Variants in ZNF862 observed in about 807,000 individuals in gnomAD.
ZNF862 encodes the protein zinc finger protein 862.
Under a neutral mutation model 91.1 loss-of-function variants are expected in ZNF862, and 64 were observed. That is an observed-to-expected ratio of 0.70 (90% CI 0.57 to 0.87). The LOEUF is 0.87. ZNF862 is among the 40% of genes least tolerant of loss of function. The pLI is 0.00. For missense variants in ZNF862, 1,459 were observed against 1,528.0 expected (o/e 0.95, Z 0.75); for synonymous variants, 631 against 618.1 (o/e 1.02, Z -0.31).
In ZNF862 at chr7:149,862,828, T is replaced by A. The variant is rs1309212178; in HGVS notation, c.3334+334T>A. Among the ~76,000 whole-genome samples the A allele has an allele frequency of 2.0e-5, 3 of 152,248 alleles. No homozygotes were observed. In the East Asian group the frequency reaches 5.8e-4, roughly 29 times the overall value. On this transcript the variant is annotated intron_variant, in intron 7 of 7. Coordinates refer to ENST00000223210, the MANE Select transcript of ZNF862 (RefSeq NM_001099220.3). ...ATGCCTTGGTTTCTCATCTGCCGAA[T>A]GAGTTGTGTGTGGAAAACACTCAGG...
intron 5 of ZNF862, among the ~76,000 whole-genome samples, chr7:149,854,915 T>C (rs556637324): frequency 6.6e-5 from 10 of 152,320 alleles, no homozygotes; most frequent in East Asian, 1.9e-4. Flanking sequence ...CTGGCTAATC[T>C]CCCTTTGCTG....
At position 149,865,525 on chromosome 7, in the gene ZNF862, C is replaced by T. The variant is rs905034727; in HGVS notation, c.*1241C>T. The T allele has an allele frequency of 4.4e-5, 4 of 91,110 alleles. No individual in the cohort carries two copies. Among genetic ancestry groups the T allele is most frequent in the African/African-American group, 2.1e-4 (4 of 19,230 alleles). 5.6% of individuals were successfully genotyped at this position (91,110 alleles called of 1,614,324 possible). On this transcript the variant is annotated 3_prime_UTR_variant, in exon 8 of 8. Coordinates refer to ENST00000223210, the MANE Select transcript of ZNF862 (RefSeq NM_001099220.3). ...GGGGCTTCTGGCACTGCTAGGTTCACACCCTCCTCGCCCCGATCTTCCTTC... is the reference window on the plus strand; with the variant it reads ...GGGGCTTCTGGCACTGCTAGGTTCATACCCTCCTCGCCCCGATCTTCCTTC...
chr7:149,865,658 C>CAAA lies in ZNF862; in HGVS notation c.*1374_*1375insAAA, dbSNP rs1400710968. On this transcript the variant is annotated 3_prime_UTR_variant, in exon 8 of 8. Coordinates refer to ENST00000223210, the MANE Select transcript of ZNF862 (RefSeq NM_001099220.3). Reference sequence around the variant, plus strand: ...TTTGTCTAGGTTCTGCCTTCCTTAACCATGGGCAGGAAATGAGGCAAGTCA... The same window carrying CAAA: ...TTTGTCTAGGTTCTGCCTTCCTTAACAAACATGGGCAGGAAATGAGGCAAGTCA... 6.6e-6 allele frequency: 1 copy of CAAA among 152,238 alleles called. No homozygotes were observed. The highest frequency in any genetic ancestry group is 6.5e-5 in the Admixed American group (1 of 15,286). 9.4% of individuals were successfully genotyped at this position (152,238 alleles called of 1,614,324 possible). A position where few individuals can be genotyped will look rare whatever the true frequency, so the allele number is the denominator to read the frequency against.
intron 1 of ZNF862, among the ~76,000 whole-genome samples, chr7:149,844,021 A>AG (rs1318092445): frequency 3.3e-5 from 5 of 151,346 alleles, no homozygotes; most frequent in Non-Finnish European, 5.9e-5. Flanking sequence ...TGTTTTGGGG[A>AG]GGGGGTCTTT....
At position 149,848,287 on chromosome 7, in the gene ZNF862, T is replaced by C. The variant is rs189754304; in HGVS notation, c.794T>C (p.Leu265Pro). 1.0e-3 allele frequency: 1,655 copies of C among 1,610,468 alleles called. 2 individuals are homozygous for C. Among genetic ancestry groups the C allele is most frequent in the Non-Finnish European group, 1.3e-3 (1,523 of 1,178,280 alleles). ...CTCCTGCCAAGTTCAAGAGCTGAAC[T>C]AGAGGACCCTGGGGGGGATGGAGCA... ...AELLPSSRAELEDPGGDGAIP... is the reference protein window; with the variant it reads ...AELLPSSRAEPEDPGGDGAIP... The change falls in exon 4 of 8, where the codon CTA becomes CCA. Residue 265 changes from leucine (L) to proline (P), a missense_variant. Physicochemically the swap from Leu to Pro is moderately conservative, Grantham distance 98. Transcript: ENST00000223210.
chr7:149,840,658 A>G (rs1801673057), intron 1 of ZNF862, among the ~76,000 whole-genome samples: 1 of 149,562 alleles, frequency 6.7e-6, no homozygotes, highest in Admixed American at 6.7e-5. Context: ...CTTTTCTACC[A>G]TATTCTTACT....
chr7:149,841,643 C>G (rs1392719485), intron 1 of ZNF862: 9 of 985,238 alleles, frequency 9.1e-6, no homozygotes, highest in Non-Finnish European at 9.6e-6. Flanking sequence ...AGCCCGCCAC[C>G]TCATGTGCCT....
rs1434035166 is a variant in ZNF862, at chr7:149,865,879, C to T, written c.*1595C>T. 1 of 148,856 alleles carries T rather than the reference C, an allele frequency of 6.7e-6. No individual in the cohort carries two copies. The highest frequency in any genetic ancestry group is 1.5e-5 in the Non-Finnish European group (1 of 66,996). The allele number at this position is 148,856 out of a possible 1,614,324, so 9.2% of individuals were successfully genotyped here. ...ATGCTGGCATCTGAGCACCTGAGTA[C>T]CCTTCCTATTCCCAGGGTAGAAGCT... On this transcript the variant is annotated 3_prime_UTR_variant, in exon 8 of 8. Coordinates refer to ENST00000223210, the MANE Select transcript of ZNF862 (RefSeq NM_001099220.3).
chr7:149,842,720 T>C (rs1801749615), intron 1 of ZNF862, among the ~76,000 whole-genome samples: 1 of 152,188 alleles, frequency 6.6e-6, no homozygotes, highest in African/African-American at 2.4e-5. Context: ...ACAAGTGTTT[T>C]AACCTGCCCC....
At chr7:149,857,859 A>G (rs145080648) in intron 5 of ZNF862, among the ~76,000 whole-genome samples, 3 of 152,244 alleles carry the variant, frequency 2.0e-5, no homozygotes, top group African/African-American at 7.2e-5. Context: ...ACATTCTTGG[A>G]GTCGAGCAGT....
chr7:149,864,275 G>T lies in ZNF862; in HGVS notation c.3501G>T (p.Gly1167=), dbSNP rs771747918. The change falls in exon 8 of 8, where the codon GGG becomes GGT. Residue 1167 remains glycine, a synonymous_variant. Coordinates refer to ENST00000223210, the MANE Select transcript of ZNF862 (RefSeq NM_001099220.3). ...CCCACACCAGCCAGGAGGCCCCCGG[G>T]ATGTCCTGAGGGACAGGGAGTCCTT... The part of the protein sequence containing the change: ...LYPHTSQEAP[G]MS 9 of 1,598,160 alleles carry T rather than the reference G, an allele frequency of 5.6e-6. No homozygotes were observed. Among genetic ancestry groups the T allele is most frequent in the Non-Finnish European group, 7.7e-6 (9 of 1,173,374 alleles).
chr7:149,838,574 G>GGGGGGA lies in ZNF862; in HGVS notation c.-32_-27dup. The GGGGGGA allele has an allele frequency of 8.3e-7, 1 of 1,206,934 alleles. No individual in the cohort carries two copies. The highest frequency in any genetic ancestry group is 1.0e-6 in the Non-Finnish European group (1 of 964,656). The allele number at this position is 1,206,934 out of a possible 1,614,324, so 74.8% of individuals were successfully genotyped here. A position where few individuals can be genotyped will look rare whatever the true frequency, so the allele number is the denominator to read the frequency against. On this transcript the variant is annotated 5_prime_UTR_variant, in exon 1 of 8. Coordinates refer to ENST00000223210, the MANE Select transcript of ZNF862 (RefSeq NM_001099220.3). The stretch of plus-strand genomic sequence containing the variant: ...CGGCTGCATCCTCAGGCCAGGCCGC[G>GGGGGGA]GGGGGAGGGGGCGGCACGGGCCTCC...
intron 1 of ZNF862, chr7:149,841,756 A>C (rs758960411): frequency 3.0e-6 from 3 of 985,072 alleles, no homozygotes; most frequent in Non-Finnish European, 2.4e-6. Context: ...GGCCCTCTCT[A>C]TCTTTCCTGT....
Position 149,866,802 on chromosome 7 carries a change from T to C in ZNF862, c.*2518T>C, listed in dbSNP as rs942837000. 6.6e-6 allele frequency: 1 copy of C among 152,292 alleles called. No homozygotes were observed. Among genetic ancestry groups the C allele is most frequent in the Non-Finnish European group, 1.5e-5 (1 of 68,092 alleles). 9.4% of individuals were successfully genotyped at this position (152,292 alleles called of 1,614,324 possible). A position where few individuals can be genotyped will look rare whatever the true frequency, so the allele number is the denominator to read the frequency against. On this transcript the variant is annotated 3_prime_UTR_variant, in exon 8 of 8. Coordinates refer to ENST00000223210, the MANE Select transcript of ZNF862 (RefSeq NM_001099220.3). ...GCCATCTTATTCCTGAACTTCCTCA[T>C]TCAGGACCCCCGTGGAAACACAGTG...
At position 149,847,632 on chromosome 7, in the gene ZNF862, TGC is replaced by T. The variant is rs1554447111; in HGVS notation, c.242-102_242-101del. ...GTGTGTGTGTGTGTGTGTGTGTGTG[TGC>T]TTTCCGTCTTTCATATTTGGTGTAC... On this transcript the variant is annotated intron_variant, in intron 3 of 7. Coordinates refer to ENST00000223210, the MANE Select transcript of ZNF862 (RefSeq NM_001099220.3). The T allele has an allele frequency of 3.4e-5, 21 of 623,098 alleles. No homozygotes were observed. The East Asian group carries it at 5.6e-4, about 17-fold the overall frequency. 38.6% of individuals were successfully genotyped at this position (623,098 alleles called of 1,614,324 possible).
At chr7:149,840,894 C>T in intron 1 of ZNF862, 6 of 969,958 alleles carry the variant, frequency 6.2e-6, no homozygotes, top group Non-Finnish European at 7.4e-6. Flanking sequence ...AGAACTTATC[C>T]CTGTTGTTAA....
rs188194877 is a variant in ZNF862, at chr7:149,844,176, T to C, written c.25-449T>C. ...GGATGTAGATCTCAGCCCCAAAGCA[T>C]TGCCTGTTTTCATCATCGACTTCAT... On this transcript the variant is annotated intron_variant, in intron 1 of 7. Coordinates refer to ENST00000223210, the MANE Select transcript of ZNF862 (RefSeq NM_001099220.3). Among the ~76,000 whole-genome samples, 594 of 151,062 alleles carry C rather than the reference T, an allele frequency of 3.9e-3. 3 individuals are homozygous for C. The highest frequency in any genetic ancestry group is 6.7e-3 in the Non-Finnish European group (455 of 67,632).
At position 149,861,751 on chromosome 7, in the gene ZNF862, T is replaced by C; in HGVS notation, c.2591T>C (p.Leu864Pro). The part of the protein sequence containing the change: ...LSEVCQKEIV[L>P]ITEVNATLGR... ...GAGGTGTGCCAGAAGGAGATCGTGC[T>C]GATTACAGAGGTGAACGCCACGCTG... Residue 864 changes from leucine to proline, a missense_variant, in exon 7 of 8, where the codon CTG becomes CCG. Transcript: ENST00000223210. This position sits in a 1 kb window ranked among gnomAD's most constrained non-coding sequence, Gnocchi z 6.7. 6.2e-7 allele frequency: 1 copy of C among 1,613,642 alleles called. No homozygotes were observed. The highest frequency in any genetic ancestry group is 8.5e-7 in the Non-Finnish European group (1 of 1,179,832).
rs757397091 is a variant in ZNF862, at chr7:149,846,154, C to A, written c.140C>A (p.Pro47Gln). ...GSNKLVAPLG[P>Q]TVANPELFRK... ...TCTTTTTTTTTTTTGGACTCAGGAC[C>A]AACTGTTGCCAATCCTGAGCTGTTC... is the stretch of plus-strand genomic sequence containing the variant. The change falls in exon 3 of 8, where the codon CCA becomes CAA. Residue 47 changes from proline (P) to glutamine (Q), a missense_variant. Coordinates refer to ENST00000223210, the MANE Select transcript of ZNF862 (RefSeq NM_001099220.3). 1.9e-6 allele frequency: 3 copies of A among 1,611,682 alleles called. No individual in the cohort carries two copies. The highest frequency in any genetic ancestry group is 2.5e-6 in the Non-Finnish European group (3 of 1,178,714).
Sources: allele counts gnomAD v4.1 joint callset (sites outside exome capture counted in the v4.1 genomes callset), GRCh38; gene constraint gnomAD v4.1.1; non-coding constraint Gnocchi (gnomAD v3.1); transcripts MANE v1.5; gene names NCBI Gene and HGNC (gene_info 2026-07-23, HGNC 2026-07-21).